Variants in CACNA1H observed in about 807,000 individuals in gnomAD.
The protein encoded by CACNA1H is calcium voltage-gated channel subunit alpha1 H, also known as voltage-dependent T-type calcium channel subunit alpha-1H.
A neutral mutation model predicts 192.5 loss-of-function variants in CACNA1H; 149 were observed. The ratio of observed to expected loss-of-function variants is 0.77; its 90% CI spans 0.68 to 0.89. The LOEUF is 0.89. Among genes scored for constraint, CACNA1H ranks in the 40% least tolerant of loss-of-function variants. The pLI is 0.00. For synonymous variants in CACNA1H, 2,202 were observed against 1,475.2 expected, an observed-to-expected ratio of 1.49 and a Z score of -11.29; for missense variants, 4,257 against 3,423.5, an observed-to-expected ratio of 1.24 and a Z score of -6.08.
Position 1,204,280 on chromosome 16 carries a change from G to T in CACNA1H, c.2273G>T (p.Ser758Ile). The change falls in exon 10 of 35, where the codon AGC becomes ATC. Residue 758 changes from serine to isoleucine, a missense_variant. Coordinates refer to ENST00000348261, the MANE Select transcript of CACNA1H (RefSeq NM_021098.3). ...ATDTPGPGPG[S>I]PQRRAQQRAA... ...GACACACCAGGCCCAGGCCCAGGCA[G>T]CCCCCAGCGGCGGGCACAGCAGAGG... The T allele has an allele frequency of 1.2e-6, 2 of 1,607,536 alleles. No homozygotes were observed. Among genetic ancestry groups the T allele is most frequent in the Non-Finnish European group, 1.7e-6 (2 of 1,177,222 alleles).
At chr16:1,154,984 G>GC (rs1009676734) in intron 2 of CACNA1H, among the ~76,000 whole-genome samples, 17 of 152,310 alleles carry the variant, frequency 1.1e-4, no homozygotes, top group African/African-American at 3.8e-4. Context: ...TCTGCTCCGG[G>GC]CCTGGGGACG....
chr16:1,194,908 T>G, intron 2 of CACNA1H, 64 bp from the exon 3 acceptor site: 6 of 1,221,790 alleles, frequency 4.9e-6, no homozygotes, highest in African/African-American at 1.5e-5. Context: ...GGGTGGGCAT[T>G]TGGAGGGCCC....
In CACNA1H at chr16:1,211,072, C is replaced by T. The variant is rs576671566; in HGVS notation, c.4224-96C>T. The T allele has an allele frequency of 4.5e-6, 7 of 1,556,440 alleles. No individual in the cohort carries two copies. In the Admixed American group the frequency reaches 1.0e-4, roughly 23 times the overall value. ...GCAGTCCTGGGCTGTTCGCAGGCCGCCCACTCGGCCCCACCTTGGGACCTT... is the reference window on the plus strand; with the variant it reads ...GCAGTCCTGGGCTGTTCGCAGGCCGTCCACTCGGCCCCACCTTGGGACCTT... On this transcript the variant is annotated intron_variant, in intron 21 of 34. Coordinates refer to ENST00000348261, the MANE Select transcript of CACNA1H (RefSeq NM_021098.3).
At position 1,204,254 on chromosome 16, in the gene CACNA1H, G is replaced by C. The variant is rs774505050; in HGVS notation, c.2247G>C (p.Thr749=). ...RWDPTRPPRA[T]DTPGPGPGSP... ...ACCCCACGCGACCACCCCGTGCGAC[G>C]GACACACCAGGCCCAGGCCCAGGCA... The change falls in exon 10 of 35, where the codon ACG becomes ACC. Residue 749 remains threonine, a synonymous_variant. Transcript: ENST00000348261. The C allele has an allele frequency of 1.2e-6, 2 of 1,609,716 alleles. No individual in the cohort carries two copies. The highest frequency in any genetic ancestry group is 1.7e-6 in the Non-Finnish European group (2 of 1,178,582).
At chr16:1,171,278 G>A (rs1964342481) in intron 2 of CACNA1H, among the ~76,000 whole-genome samples, 1 of 152,124 alleles carries the variant, frequency 6.6e-6, no homozygotes, top group African/African-American at 2.4e-5. Context: ...CCTCCTGGGC[G>A]GGCTGGGCGT....
chr16:1,211,317 G>C (rs1567541383), intron 22 of CACNA1H, 23 bp downstream of exon 22: 1 of 1,612,582 alleles, frequency 6.2e-7, no homozygotes, highest in Non-Finnish European at 8.5e-7. Context: ...CACGTGCCCG[G>C]GGGTCTGCCC....
chr16:1,214,278 C>T (rs1371903318), intron 27 of CACNA1H, among the ~76,000 whole-genome samples: 5 of 152,224 alleles, frequency 3.3e-5, no homozygotes, highest in African/African-American at 1.2e-4. Context: ...ATTCGGGTCC[C>T]CCTGCATCCT....
chr16:1,207,190 G>A (rs1239477661), intron 13 of CACNA1H, 72 bp downstream of exon 13: 14 of 1,550,050 alleles, frequency 9.0e-6, no homozygotes, highest in Non-Finnish European at 1.2e-5. Context: ...GTGCCGTCCT[G>A]CGCATCCATA....
intron 26 of CACNA1H, 123 bp from the exon 27 acceptor site, chr16:1,213,657 C>T: frequency 4.6e-6 from 3 of 647,952 alleles, no homozygotes; most frequent in Non-Finnish European, 7.5e-6. Flanking sequence ...CCCATCTTCA[C>T]ATGAGCCGTG....
intron 6 of CACNA1H, 151 bp downstream of exon 6, chr16:1,198,925 C>G: frequency 1.4e-6 from 1 of 716,082 alleles, no homozygotes; most frequent in Non-Finnish European, 2.3e-6. Flanking sequence ...GCTCCGTCCA[C>G]CATGCTGTCT....
intron 2 of CACNA1H, among the ~76,000 whole-genome samples, chr16:1,194,564 G>A (rs1460009687): frequency 6.6e-6 from 1 of 152,194 alleles, no homozygotes; most frequent in African/African-American, 2.4e-5. Context: ...AGTTGCACAG[G>A]GTGCCCTGCC....
chr16:1,165,722 C>T (rs545235202), intron 2 of CACNA1H, among the ~76,000 whole-genome samples: 1 of 152,258 alleles, frequency 6.6e-6, no homozygotes, highest in Non-Finnish European at 1.5e-5. Flanking sequence ...TCCCTGCCCC[C>T]ACCCCGGCTC....
At chr16:1,199,029 C>G (rs1206743872) in intron 6 of CACNA1H, 1 of 464,652 alleles carries the variant, frequency 2.2e-6, no homozygotes, top group Non-Finnish European at 3.9e-6. Context: ...TATGCCCCAC[C>G]CCCCACCATG....
chr16:1,174,897 C>T (rs987498822), intron 2 of CACNA1H, among the ~76,000 whole-genome samples: 4 of 152,110 alleles, frequency 2.6e-5, no homozygotes, highest in Admixed American at 6.5e-5. Flanking sequence ...AGGGGGCCGG[C>T]GGGAGGCCCC....
Position 1,213,756 on chromosome 16 carries a change from C to T in CACNA1H, c.4778-24C>T, listed in dbSNP as rs189566208. On this transcript the variant is annotated intron_variant, in intron 26 of 34. Transcript: ENST00000348261. ...AGCGCCGGGCGGCCCTCCTGCCCGG[C>T]GCTCATGGCCGCCCTCCCCGCAGAG... 9.9e-4 allele frequency: 1,502 copies of T among 1,513,580 alleles called. 13 individuals carry two copies. The African/African-American group carries it at 0.016, about 16-fold the overall frequency. The allele number at this position is 1,513,580 out of a possible 1,614,324, so 93.8% of individuals were successfully genotyped here. A position where few individuals can be genotyped will look rare whatever the true frequency, so the allele number is the denominator to read the frequency against.
chr16:1,198,928 T>C, intron 6 of CACNA1H, 154 bp downstream of exon 6: 1 of 686,846 alleles, frequency 1.5e-6, no homozygotes, highest in South Asian at 1.9e-5. Flanking sequence ...CCGTCCACCA[T>C]GCTGTCTCCC....
At chr16:1,214,125 C>T (rs569960646) in intron 27 of CACNA1H, among the ~76,000 whole-genome samples, 194 bp downstream of exon 27, 8 of 151,992 alleles carry the variant, frequency 5.3e-5, no homozygotes, top group African/African-American at 1.9e-4. Flanking sequence ...TGGGGCCCCT[C>T]CCCAACCTGG....
intron 2 of CACNA1H, among the ~76,000 whole-genome samples, chr16:1,155,265 G>A (rs1395476794): frequency 6.6e-6 from 1 of 152,210 alleles, no homozygotes; most frequent in East Asian, 1.9e-4. Context: ...GGGCTGCCTC[G>A]GAGCCCCACA....
intron 27 of CACNA1H, 39 bp from the exon 28 acceptor site, chr16:1,214,933 C>CCCAGCCCCACCTCAG: frequency 6.9e-7 from 1 of 1,443,460 alleles, no homozygotes; most frequent in South Asian, 1.2e-5. Flanking sequence ...GAGGGGTGGC[C>CCCAGCCCCACCTCAG]CCAGCCCCAC....
Sources: gnomAD v4.1 joint callset for allele counts (sites outside exome capture counted in the v4.1 genomes callset) on GRCh38, gnomAD v4.1.1 for gene constraint, MANE v1.5 for transcripts, NCBI Gene and HGNC (gene_info 2026-07-23, HGNC 2026-07-21) for gene names.